DOCK7: variants seen among roughly 807,000 people sequenced by gnomAD.
The protein encoded by DOCK7 is dedicator of cytokinesis 7, also known as dedicator of cytokinesis protein 7.
DOCK7 carries 138 observed loss-of-function variants against 271.0 expected under a neutral mutation model. The observed-to-expected ratio is 0.51, with a 90% confidence interval of 0.44 to 0.59. The LOEUF is 0.59. DOCK7 is among the 20% of genes least tolerant of loss of function. The probability of loss-of-function intolerance (pLI) is 0.00; values close to 1 mark genes in which losing one functional copy is unlikely to be tolerated. For missense variants in DOCK7, 2,066 were observed against 2,592.4 expected, an observed-to-expected ratio of 0.80 and a Z score of 4.41; for synonymous variants, 823 against 876.1, an observed-to-expected ratio of 0.94 and a Z score of 1.07.
intron 46 of DOCK7, 149 bp downstream of exon 46, chr1:62,475,558 A>G: frequency 2.8e-6 from 3 of 1,077,086 alleles, no homozygotes; most frequent in Non-Finnish European, 4.0e-6. Flanking sequence ...CTTAGAAAAG[A>G]AGTAAAAAAT....
rs973480907 is a variant in DOCK7, at chr1:62,504,905, A to G, written c.4612-123T>C. The G allele has an allele frequency of 7.3e-5, 84 of 1,151,768 alleles. No homozygotes were observed. In the African/African-American group the frequency reaches 1.0e-3, roughly 14 times the overall value. The allele number at this position is 1,151,768 out of a possible 1,614,324, so 71.3% of individuals were successfully genotyped here. On this transcript the variant is annotated intron_variant, in intron 36 of 49. Coordinates refer to ENST00000635253, the MANE Select transcript of DOCK7 (RefSeq NM_001367561.1). ...AGAAATTAAAAGAATGGTTAGGACA[A>G]TATTAGCTAATGGTTAATAGTGTGA...
At chr1:62,671,363 G>A (rs767324487) in intron 1 of DOCK7, among the ~76,000 whole-genome samples, 9 of 152,206 alleles carry the variant, frequency 5.9e-5, no homozygotes, top group Admixed American at 2.0e-4. Context: ...TCCTTCGCCA[G>A]AAAAGTAATT....
At chr1:62,643,600 TTTC>T (rs1476500311) in intron 7 of DOCK7, among the ~76,000 whole-genome samples, 1 of 152,198 alleles carries the variant, frequency 6.6e-6, no homozygotes, top group East Asian at 1.9e-4. Flanking sequence ...TGGATATGAA[TTTC>T]TTTTTATTTA....
chr1:62,459,555 C>T (rs1038488513), intron 48 of DOCK7, among the ~76,000 whole-genome samples: 4 of 151,926 alleles, frequency 2.6e-5, no homozygotes, highest in Non-Finnish European at 4.4e-5. Context: ...CAAAAAAACC[C>T]TCTGAATTTA....
At chr1:62,505,591 A>G in intron 36 of DOCK7, 91 bp downstream of exon 36, 2 of 1,359,382 alleles carry the variant, frequency 1.5e-6, no homozygotes. Context: ...ATATTACTAC[A>G]TATATTAACC....
intron 37 of DOCK7, among the ~76,000 whole-genome samples, chr1:62,498,716 AT>A (rs1465100411): frequency 1.3e-5 from 2 of 151,698 alleles, no homozygotes; most frequent in African/African-American, 4.8e-5. Flanking sequence ...ACAGTTCCAT[AT>A]TTTACTATGT....
At chr1:62,601,268 G>T in intron 14 of DOCK7, 1 of 1,066,240 alleles carries the variant, frequency 9.4e-7, no homozygotes, top group South Asian at 1.3e-5. Flanking sequence ...ACTTGTTCTA[G>T]ACTAAAAGAT....
intron 18 of DOCK7, 50 bp downstream of exon 18, chr1:62,577,212 A>T (rs758432651): frequency 8.2e-7 from 1 of 1,215,418 alleles, no homozygotes; most frequent in Non-Finnish European, 1.1e-6. Flanking sequence ...CTTTATAGTA[A>T]AAAACCCATT....
chr1:62,634,778 T>A lies in DOCK7; in HGVS notation c.1030A>T (p.Ile344Leu), dbSNP rs373399915. ...ATATTTAACATTATTCTCACCTTTA[T>A]TACAAGAAAAACATCTTGGGAAGGA... ...TYPSQDVFLVIKLEKVLQQGD... is the reference protein window; with the variant it reads ...TYPSQDVFLVLKLEKVLQQGD... The change falls in exon 9 of 50, where the codon ATA becomes TTA. Residue 344 changes from isoleucine to leucine, a missense_variant. Coordinates refer to ENST00000635253, the MANE Select transcript of DOCK7 (RefSeq NM_001367561.1). 1.9e-6 allele frequency: 3 copies of A among 1,611,564 alleles called. No individual in the cohort carries two copies. The highest frequency in any genetic ancestry group is 2.5e-6 in the Non-Finnish European group (3 of 1,178,676).
At chr1:62,534,004 C>CT (rs11327850) in intron 29 of DOCK7, among the ~76,000 whole-genome samples, 20 of 149,666 alleles carry the variant, frequency 1.3e-4, no homozygotes, top group African/African-American at 4.4e-4. Flanking sequence ...ACACATCAAG[C>CT]TTTTTTTTTT....
At chr1:62,597,869 A>T (rs1649512726) in intron 14 of DOCK7, 1 of 1,591,898 alleles carries the variant, frequency 6.3e-7, no homozygotes, top group African/African-American at 1.4e-5. Flanking sequence ...AACTGAGAAG[A>T]ACTACATATA....
chr1:62,635,072 T>C, intron 8 of DOCK7, 150 bp from the exon 9 acceptor site: 1 of 449,794 alleles, frequency 2.2e-6, no homozygotes, highest in Admixed American at 4.0e-5. Context: ...TAAGAAAACA[T>C]TTAATCTTAA....
At chr1:62,635,689 A>G (rs1296623247) in intron 8 of DOCK7, 1 of 152,206 alleles carries the variant, frequency 6.6e-6, no homozygotes, top group East Asian at 1.9e-4. Context: ...CCATTAAAGA[A>G]ATCCATAATA....
At chr1:62,545,645 G>A (rs1166743137) in intron 22 of DOCK7, among the ~76,000 whole-genome samples, 2 of 151,900 alleles carry the variant, frequency 1.3e-5, no homozygotes, top group Non-Finnish European at 2.9e-5. Flanking sequence ...AATAATAATG[G>A]GCTACTATTT....
chr1:62,537,455 GCACGT>G (rs1486882824), intron 28 of DOCK7, among the ~76,000 whole-genome samples: 1 of 151,838 alleles, frequency 6.6e-6, no homozygotes, highest in Non-Finnish European at 1.5e-5. Context: ...GCATAGTGGC[GCACGT>G]CTGTAGTCCC....
chr1:62,659,589 A>C lies in DOCK7; in HGVS notation c.144+3436T>G, dbSNP rs144832563. Among the ~76,000 whole-genome samples the C allele has an allele frequency of 5.2e-3, 795 of 152,336 alleles. 6 individuals carry two copies. The highest frequency in any genetic ancestry group is 0.019 in the South Asian group (91 of 4,830). On this transcript the variant is annotated intron_variant, in intron 2 of 49. Transcript: ENST00000635253. ...AATTTATACATTGTATTATAAATGT[A>C]AATGTAAACAGTAAGAGATTAGCAG...
Position 62,559,244 on chromosome 1 carries a change from C to T in DOCK7, c.2200-24G>A, listed in dbSNP as rs763983022. ...TCCTAAAACAAAGAATAAACAAAAG[C>T]ACTAAGCACTTATAACTTTATAAAT... is the stretch of plus-strand genomic sequence containing the variant. On this transcript the variant is annotated intron_variant, in intron 19 of 49. Coordinates refer to ENST00000635253, the MANE Select transcript of DOCK7 (RefSeq NM_001367561.1). 5 of 1,571,518 alleles carry T rather than the reference C, an allele frequency of 3.2e-6. No individual in the cohort carries two copies. In the Admixed American group the frequency reaches 5.1e-5, roughly 16 times the overall value.
intron 43 of DOCK7, 118 bp downstream of exon 43, chr1:62,487,280 A>G: frequency 1.1e-6 from 1 of 927,122 alleles, no homozygotes; most frequent in Non-Finnish European, 1.7e-6. Context: ...TAATGAATTC[A>G]GTTGATAGCA....
intron 29 of DOCK7, among the ~76,000 whole-genome samples, chr1:62,532,471 A>G (rs1451106399): frequency 2.0e-5 from 3 of 152,172 alleles, no homozygotes; most frequent in African/African-American, 2.4e-5. Flanking sequence ...AGCTGGGACT[A>G]TAGGTATGCA....
Sources: allele counts gnomAD v4.1 joint callset (sites outside exome capture counted in the v4.1 genomes callset), GRCh38; gene constraint gnomAD v4.1.1; transcripts MANE v1.5; gene names NCBI Gene and HGNC (gene_info 2026-07-23, HGNC 2026-07-21).